Variants in ATP9B observed in about 807,000 individuals in gnomAD.
ATP9B encodes the protein ATPase phospholipid transporting 9B, also known as probable phospholipid-transporting ATPase IIB.
ATP9B carries 110 observed loss-of-function variants against 146.1 expected under a neutral mutation model. The ratio of observed to expected loss-of-function variants is 0.75; its 90% confidence interval spans 0.65 to 0.88. The LOEUF (loss-of-function observed/expected upper bound fraction) is 0.88, where lower values mean the gene tolerates loss of function less well. Among genes scored for constraint, ATP9B ranks in the 40% least tolerant of loss-of-function variants. The pLI is 0.00. For missense variants in ATP9B, 1,499 were observed against 1,496.4 expected (o/e 1.00, Z -0.03); for synonymous variants, 604 against 569.7 (o/e 1.06, Z -0.86).
Position 79,299,305 on chromosome 18 carries a change from C to G in ATP9B, c.1412-4299C>G, listed in dbSNP as rs373249613. ...CCTAGAGAGCTCCTCACCCCCTCCT[C>G]CCTCTCCAGCCCTTCTCTTGTGTGT... On this transcript the variant is annotated intron_variant, in intron 13 of 29. Coordinates refer to ENST00000426216, the MANE Select transcript of ATP9B (RefSeq NM_198531.5). 2.2e-4 allele frequency among the ~76,000 whole-genome samples: 33 copies of G among 152,322 alleles called. 3 individuals are homozygous for G. The highest frequency in any genetic ancestry group is 1.1e-3 in the Admixed American group (17 of 15,300).
chr18:79,106,814 A>T (rs1227314391), intron 2 of ATP9B, among the ~76,000 whole-genome samples: 1 of 152,216 alleles, frequency 6.6e-6, no homozygotes, highest in Non-Finnish European at 1.5e-5. Flanking sequence ...GTGAGGCATT[A>T]GTTCATGTAG....
intron 7 of ATP9B, among the ~76,000 whole-genome samples, chr18:79,170,922 A>G (rs1226105498): frequency 1.3e-5 from 2 of 152,206 alleles, no homozygotes; most frequent in East Asian, 1.9e-4. Context: ...AACTTGGAGG[A>G]AAAACCATTT....
At chr18:79,338,318 C>T (rs2096838746) in intron 19 of ATP9B, among the ~76,000 whole-genome samples, 1 of 152,194 alleles carries the variant, frequency 6.6e-6, no homozygotes, top group South Asian at 2.1e-4. Context: ...GCTGCTTGTC[C>T]TCCCTCTGGC....
rs2095539956 is a variant in ATP9B at position 79,206,934 on chromosome 18, C to T, written c.955-3C>T. ...TTTGTTTTCTTTTTGTCTCCCTGCA[C>T]AGGAAGACAGTGACCCGCCCATTCA... On this transcript the variant is annotated splice_polypyrimidine_tract_variant and splice_region_variant and intron_variant, in intron 9 of 29. Coordinates refer to ENST00000426216, the MANE Select transcript of ATP9B (RefSeq NM_198531.5). 1.2e-6 allele frequency: 2 copies of T among 1,613,744 alleles called. No individual in the cohort carries two copies. Among genetic ancestry groups the T allele is most frequent in the Non-Finnish European group, 1.7e-6 (2 of 1,179,766 alleles).
At chr18:79,335,124 TG>T (rs2096816419) in intron 17 of ATP9B, among the ~76,000 whole-genome samples, 1 of 152,234 alleles carries the variant, frequency 6.6e-6, no homozygotes, top group Non-Finnish European at 1.5e-5. Flanking sequence ...AAGTGGCTTC[TG>T]CCGCTCTGCC....
intron 13 of ATP9B, among the ~76,000 whole-genome samples, chr18:79,300,782 A>G (rs2096585436): frequency 6.6e-6 from 1 of 152,234 alleles, no homozygotes. Context: ...ATCCTAAAGA[A>G]GTAATTGTTC....
At chr18:79,247,697 A>C (rs940688820) in intron 11 of ATP9B, among the ~76,000 whole-genome samples, 14 of 152,178 alleles carry the variant, frequency 9.2e-5, no homozygotes, top group African/African-American at 3.4e-4. Flanking sequence ...GTTGGTTTCA[A>C]ACGTGGTTTT....
At chr18:79,098,269 C>T (rs1390994822) in intron 2 of ATP9B, among the ~76,000 whole-genome samples, 2 of 151,326 alleles carry the variant, frequency 1.3e-5, no homozygotes, top group African/African-American at 2.4e-5. Flanking sequence ...GACCTAAAAC[C>T]ATAAAAACCC....
chr18:79,168,728 G>C (rs1267043279), intron 7 of ATP9B, among the ~76,000 whole-genome samples: 1 of 152,068 alleles, frequency 6.6e-6, no homozygotes, highest in Non-Finnish European at 1.5e-5. Flanking sequence ...TACATTTTTT[G>C]AAGAAGGGGT....
chr18:79,320,226 G>T (rs2096707629), intron 15 of ATP9B, among the ~76,000 whole-genome samples: 1 of 152,248 alleles, frequency 6.6e-6, no homozygotes, highest in Non-Finnish European at 1.5e-5. Context: ...ACCTGGACCT[G>T]TGTGGGGAAC....
intron 7 of ATP9B, among the ~76,000 whole-genome samples, chr18:79,157,889 TTC>T (rs765386085): frequency 7.2e-4 from 109 of 152,338 alleles, no homozygotes; most frequent in Non-Finnish European, 5.0e-4. Flanking sequence ...AATTGAACTC[TTC>T]TCTCTTTTTT....
intron 11 of ATP9B, among the ~76,000 whole-genome samples, chr18:79,237,448 T>G (rs2095852360): frequency 6.6e-6 from 1 of 152,276 alleles, no homozygotes; most frequent in African/African-American, 2.4e-5. Flanking sequence ...CTGGGCCCTT[T>G]CCTGTGATTG....
chr18:79,084,154 G>A (rs2073577492), intron 1 of ATP9B, among the ~76,000 whole-genome samples: 1 of 148,252 alleles, frequency 6.7e-6, no homozygotes, highest in Non-Finnish European at 1.5e-5. Flanking sequence ...ACTGCGCCTG[G>A]CTCAGTTTTT....
At chr18:79,368,402 G>A (rs2097048195) in intron 26 of ATP9B, among the ~76,000 whole-genome samples, 1 of 152,158 alleles carries the variant, frequency 6.6e-6, no homozygotes, top group Admixed American at 6.5e-5. Flanking sequence ...TACAAAAACA[G>A]GACTGTGTTT....
intron 12 of ATP9B, among the ~76,000 whole-genome samples, chr18:79,260,379 A>G (rs958883527): frequency 2.2e-4 from 33 of 151,352 alleles, no homozygotes; most frequent in African/African-American, 7.5e-4. Context: ...CCCATGATCC[A>G]GTCACCCATC....
At chr18:79,074,880 T>C (rs1326359564) in intron 1 of ATP9B, among the ~76,000 whole-genome samples, 4 of 152,248 alleles carry the variant, frequency 2.6e-5, no homozygotes, top group Admixed American at 2.6e-4. Context: ...TTTATCGTGG[T>C]AACATACACA....
chr18:79,135,260 T>C (rs1168766950), intron 5 of ATP9B, among the ~76,000 whole-genome samples: 2 of 152,198 alleles, frequency 1.3e-5, no homozygotes, highest in Non-Finnish European at 2.9e-5. Context: ...AGCCCCAGAC[T>C]CCAAGTCATC....
chr18:79,314,996 T>G (rs1313906146), intron 15 of ATP9B, among the ~76,000 whole-genome samples: 1 of 152,260 alleles, frequency 6.6e-6, no homozygotes, highest in Admixed American at 6.5e-5. Context: ...ACTGTGATTC[T>G]TAATGACTGC....
chr18:79,246,688 C>T (rs1025066480), intron 11 of ATP9B, among the ~76,000 whole-genome samples: 2 of 152,224 alleles, frequency 1.3e-5, no homozygotes, highest in African/African-American at 4.8e-5. Flanking sequence ...GGACGCGCGC[C>T]GGCCTCGCGC....
Sources: allele counts gnomAD v4.1 joint callset (sites outside exome capture counted in the v4.1 genomes callset), GRCh38; gene constraint gnomAD v4.1.1; transcripts MANE v1.5; gene names NCBI Gene and HGNC (gene_info 2026-07-23, HGNC 2026-07-21).